Variants in TSC22D2 observed in about 807,000 individuals in gnomAD.
TSC22D2 encodes the protein TSC22 domain family protein 2.
Under a neutral mutation model 50.1 loss-of-function variants are expected in TSC22D2, and 5 were observed. That is an observed-to-expected ratio of 0.10 (90% CI 0.05 to 0.21). The LOEUF (loss-of-function observed/expected upper bound fraction) is 0.21, where lower values mean the gene tolerates loss of function less well. Ranked by LOEUF, TSC22D2 falls within the 10% of genes least tolerant of loss-of-function variation. The pLI, the probability that TSC22D2 is intolerant of heterozygous loss-of-function variation, is 1.00. For missense variants in TSC22D2, 1,003 were observed against 1,015.5 expected (o/e 0.99, Z 0.17); for synonymous variants, 501 against 450.1 (o/e 1.11, Z -1.43).
Position 150,461,496 on chromosome 3 carries a change from A to G in TSC22D2, c.*2860A>G, listed in dbSNP as rs929213725. The G allele has an allele frequency of 1.3e-5, 2 of 152,216 alleles. No homozygotes were observed. Among genetic ancestry groups the G allele is most frequent in the African/African-American group, 4.8e-5 (2 of 41,456 alleles). 9.4% of individuals were successfully genotyped at this position (152,216 alleles called of 1,614,324 possible). A position where few individuals can be genotyped will look rare whatever the true frequency, so the allele number is the denominator to read the frequency against. On this transcript the variant is annotated 3_prime_UTR_variant, in exon 3 of 3. Coordinates refer to ENST00000688009, the MANE Select transcript of TSC22D2 (RefSeq NM_001303264.2). ...GCTTTTCTGTTTTAATTTAGCCGGT[A>G]AATCATAAGTAGAAATTTTTCTGAT...
At chr3:150,436,638 C>T (rs1044820574) in intron 1 of TSC22D2, among the ~76,000 whole-genome samples, 4 of 152,136 alleles carry the variant, frequency 2.6e-5, no homozygotes, top group African/African-American at 7.2e-5. Flanking sequence ...CAACTTTAAA[C>T]GACCACTTAT....
In TSC22D2 at chr3:150,434,886, CTAAT is replaced by C. The variant is rs566503036; in HGVS notation, c.1959-22188_1959-22185del. On this transcript the variant is annotated intron_variant, in intron 1 of 2. Transcript: ENST00000688009. ...TATATATATTTAGTTTCTGGCATAG[CTAAT>C]TGTGTCTTAAATTATATCTTGGCTC... Among the ~76,000 whole-genome samples the C allele has an allele frequency of 2.3e-3, 343 of 151,996 alleles. 2 individuals are homozygous for C. The highest frequency in any genetic ancestry group is 0.015 in the South Asian group (73 of 4,818).
In TSC22D2 at chr3:150,464,517, A is replaced by C. The variant is rs1271947446; in HGVS notation, c.*5881A>C. 1 of 152,190 alleles carries C rather than the reference A, an allele frequency of 6.6e-6. No individual in the cohort carries two copies. Among genetic ancestry groups the C allele is most frequent in the African/African-American group, 2.4e-5 (1 of 41,448 alleles). 9.4% of individuals were successfully genotyped at this position (152,190 alleles called of 1,614,324 possible). On this transcript the variant is annotated 3_prime_UTR_variant, in exon 3 of 3. Coordinates refer to ENST00000688009, the MANE Select transcript of TSC22D2 (RefSeq NM_001303264.2). The stretch of plus-strand genomic sequence containing the variant: ...TTGGGGATAGAAAGATGAATGGGAC[A>C]TGATTTGTGTGCTCCAATGAGCTCA...
chr3:150,456,180 G>GTTTTTTTTTTTT (rs10603156), intron 1 of TSC22D2, among the ~76,000 whole-genome samples: 2 of 140,830 alleles, frequency 1.4e-5, no homozygotes, highest in Non-Finnish European at 1.5e-5. Flanking sequence ...GTTTCTTTTT[G>GTTTTTTTTTTTT]TTTTTTTTTT....
intron 1 of TSC22D2, among the ~76,000 whole-genome samples, chr3:150,429,678 C>A (rs769281951): frequency 6.6e-6 from 1 of 152,082 alleles, no homozygotes; most frequent in African/African-American, 2.4e-5. Flanking sequence ...ATGAAAGAAG[C>A]CACTTAAAAC....
rs902263751 is a variant in TSC22D2 at position 150,458,834 on chromosome 3, G to C, written c.*198G>C. 2 of 642,652 alleles carry C rather than the reference G, an allele frequency of 3.1e-6. No individual in the cohort carries two copies. The highest frequency in any genetic ancestry group is 5.3e-6 in the Non-Finnish European group (2 of 377,712). 39.8% of individuals were successfully genotyped at this position (642,652 alleles called of 1,614,324 possible). ...CAGCGCTGTTGATGTCCAGTTCTAT[G>C]TCATCAGTACACAAGGAGAATAATA... On this transcript the variant is annotated 3_prime_UTR_variant, in exon 3 of 3. Coordinates refer to ENST00000688009, the MANE Select transcript of TSC22D2 (RefSeq NM_001303264.2).
intron 1 of TSC22D2, among the ~76,000 whole-genome samples, chr3:150,442,217 G>C (rs1720740598): frequency 6.7e-6 from 1 of 149,972 alleles, no homozygotes; most frequent in Non-Finnish European, 1.5e-5. Flanking sequence ...CAAGAGCTAT[G>C]TGCCCCCAGA....
At chr3:150,451,223 A>T (rs992293707) in intron 1 of TSC22D2, among the ~76,000 whole-genome samples, 2 of 152,164 alleles carry the variant, frequency 1.3e-5, no homozygotes, top group African/African-American at 4.8e-5. Flanking sequence ...AAAGCAAGGC[A>T]TTTATTTTAT....
At chr3:150,457,250 GATA>G (rs1021060863) in intron 2 of TSC22D2, 123 bp downstream of exon 2, 16 of 889,520 alleles carry the variant, frequency 1.8e-5, no homozygotes, top group African/African-American at 5.2e-5. Context: ...CATGTTTTTT[GATA>G]ATGAGATTTA....
rs761474177 is a variant in TSC22D2, at chr3:150,409,736, C to T, written c.386C>T (p.Pro129Leu). Residue 129 changes from proline (P) to leucine (L), a missense_variant, in exon 1 of 3, where the codon CCC (proline) becomes CTC (leucine). Pro to Leu is a moderately conservative substitution (Grantham distance 98). This residue lies in a region of TSC22D2 where 200 missense variants were observed against 182.8 expected (regional missense o/e 1.09). Coordinates refer to ENST00000688009, the MANE Select transcript of TSC22D2 (RefSeq NM_001303264.2). The surrounding 1 kb of genome is among the most constrained non-coding windows in gnomAD (Gnocchi z 7.4). ...STLAAAATSAPAPGAPGGPQL... is the reference protein window; with the variant it reads ...STLAAAATSALAPGAPGGPQL... ...CTGGCGGCGGCTGCCACTTCGGCCC[C>T]CGCCCCCGGAGCACCCGGCGGCCCC... The T allele has an allele frequency of 1.2e-6, 2 of 1,601,076 alleles. No individual in the cohort carries two copies. Among genetic ancestry groups the T allele is most frequent in the Non-Finnish European group, 1.7e-6 (2 of 1,177,500 alleles).
chr3:150,409,143 A>G lies in TSC22D2; in HGVS notation c.-208A>G. The stretch of plus-strand genomic sequence containing the variant: ...GGGACTGAGACGGGGGCAGAGCCGA[A>G]GAGACCGACACAGAGAAGGAAACGA... On this transcript the variant is annotated 5_prime_UTR_variant, in exon 1 of 3. Coordinates refer to ENST00000688009, the MANE Select transcript of TSC22D2 (RefSeq NM_001303264.2). The surrounding 1 kb of genome is among the most constrained non-coding windows in gnomAD (Gnocchi z 7.4). 2.0e-6 allele frequency: 1 copy of G among 491,676 alleles called. No homozygotes were observed. The highest frequency in any genetic ancestry group is 3.6e-6 in the Non-Finnish European group (1 of 278,780). The allele number at this position is 491,676 out of a possible 1,614,324, so 30.5% of individuals were successfully genotyped here.
At chr3:150,447,414 C>T (rs1180948986) in intron 1 of TSC22D2, among the ~76,000 whole-genome samples, 1 of 152,182 alleles carries the variant, frequency 6.6e-6, no homozygotes, top group Non-Finnish European at 1.5e-5. Context: ...CAAATCTAGA[C>T]TTCTAGGCCA....
In TSC22D2 at chr3:150,456,448, A is replaced by T. The variant is rs942806559; in HGVS notation, c.1959-628A>T. Reference sequence around the variant, plus strand: ...AGTGATCCACCTTCCTTGGCCTCCCAAAGTGCTGGGATTACAAGCGTGAGC... The same window carrying T: ...AGTGATCCACCTTCCTTGGCCTCCCTAAGTGCTGGGATTACAAGCGTGAGC... On this transcript the variant is annotated intron_variant, in intron 1 of 2. Coordinates refer to ENST00000688009, the MANE Select transcript of TSC22D2 (RefSeq NM_001303264.2). Among the ~76,000 whole-genome samples the T allele has an allele frequency of 2.0e-5, 3 of 152,262 alleles. No individual in the cohort carries two copies. The East Asian group carries it at 5.8e-4, about 29-fold the overall frequency.
intron 1 of TSC22D2, among the ~76,000 whole-genome samples, chr3:150,444,007 A>G (rs943417113): frequency 1.3e-5 from 2 of 152,218 alleles, no homozygotes; most frequent in Admixed American, 1.3e-4. Flanking sequence ...CTGGAAATTC[A>G]TAGAGCCTAG....
intron 1 of TSC22D2, among the ~76,000 whole-genome samples, chr3:150,446,234 C>T (rs1230820554): frequency 2.6e-5 from 4 of 151,988 alleles, no homozygotes; most frequent in East Asian, 1.9e-4. Context: ...AATGTCTGAC[C>T]CCAGAATGAA....
intron 1 of TSC22D2, among the ~76,000 whole-genome samples, chr3:150,446,371 T>C (rs1720890942): frequency 6.6e-6 from 1 of 152,192 alleles, no homozygotes; most frequent in African/African-American, 2.4e-5. Context: ...AATCCTTGGC[T>C]GGGTACGGTG....
At chr3:150,431,096 G>A (rs1327582661) in intron 1 of TSC22D2, among the ~76,000 whole-genome samples, 1 of 151,282 alleles carries the variant, frequency 6.6e-6, no homozygotes, top group African/African-American at 2.4e-5. Flanking sequence ...GTGGTGGCAG[G>A]CACCTATAGT....
chr3:150,453,383 A>G (rs1400096460), intron 1 of TSC22D2, among the ~76,000 whole-genome samples: 1 of 152,238 alleles, frequency 6.6e-6, no homozygotes, highest in Non-Finnish European at 1.5e-5. Flanking sequence ...TGATACCCTC[A>G]TTGAAACAGT....
At chr3:150,444,218 G>A (rs899485524) in intron 1 of TSC22D2, among the ~76,000 whole-genome samples, 1 of 152,042 alleles carries the variant, frequency 6.6e-6, no homozygotes, top group Non-Finnish European at 1.5e-5. Context: ...CCCTTAATTA[G>A]TTTCTAATAG....
Sources: allele counts gnomAD v4.1 joint callset (sites outside exome capture counted in the v4.1 genomes callset), GRCh38; gene constraint gnomAD v4.1.1; regional missense constraint gnomAD v4.1.1; non-coding constraint Gnocchi (gnomAD v3.1); transcripts MANE v1.5; gene names NCBI Gene and HGNC (gene_info 2026-07-23, HGNC 2026-07-21).